The following MECR variants were observed in gnomAD, a reference collection of about 807,000 sequenced individuals.
MECR encodes mitochondrial trans-2-enoyl-CoA reductase.
A neutral mutation model predicts 49.1 loss-of-function variants in MECR; 37 were observed. The ratio of observed to expected loss-of-function variants is 0.75; its 90% CI spans 0.58 to 0.99. The LOEUF is 0.99. MECR is among the 50% of genes least tolerant of loss of function. The probability of loss-of-function intolerance (pLI) is 0.00; values close to 1 mark genes in which losing one functional copy is unlikely to be tolerated. For synonymous variants in MECR, 198 were observed against 191.1 expected (o/e 1.04, Z -0.30); for missense variants, 470 against 479.6 (o/e 0.98, Z 0.19).
At chr1:29,178,560 C>CAGG in the MECR span, among the ~76,000 whole-genome samples, 3 of 151,752 alleles carry the variant, frequency 2.0e-5, no homozygotes, top group Admixed American at 2.0e-4. Flanking sequence ...GTTTCACCAT[C>CAGG]TTAACCAGGA....
At chr1:29,224,479 G>T (rs2291609) in intron 1 of MECR, 27,443 of 152,208 alleles carry the variant, frequency 0.18, 3,188 homozygotes, top group Non-Finnish European at 0.27. Flanking sequence ...GTCACAGCCG[G>T]ACAATTGTTG....
At chr1:29,188,323 G>A (rs1025614416), downstream of MECR, among the ~76,000 whole-genome samples, 7 of 151,580 alleles carry the variant, frequency 4.6e-5, no homozygotes, top group Non-Finnish European at 8.8e-5. Flanking sequence ...CCAACGAGCT[G>A]GGATTACAGG....
At chr1:29,199,518 C>G (rs189203519) in intron 7 of MECR, among the ~76,000 whole-genome samples, 1 of 152,136 alleles carries the variant, frequency 6.6e-6, no homozygotes, top group Non-Finnish European at 1.5e-5. Flanking sequence ...TGAGCCACTG[C>G]GCCCGGCCTA....
chr1:29,191,918 C>A (rs1057140358), downstream of MECR, among the ~76,000 whole-genome samples: 2 of 151,906 alleles, frequency 1.3e-5, no homozygotes, highest in African/African-American at 4.8e-5. Flanking sequence ...ATAGTGAAAC[C>A]CCATCTCTAC....
In MECR at chr1:29,214,612, C is replaced by T. The variant is rs1003367929; in HGVS notation, c.406+1393G>A. On this transcript the variant is annotated intron_variant, in intron 3 of 9. Coordinates refer to ENST00000263702, the MANE Select transcript of MECR (RefSeq NM_016011.5). ...CCTGATCTCAGGTGATCCACCACCT[C>T]GGCCTCCCAAAGTGCTGGGATTACA... is the stretch of plus-strand genomic sequence containing the variant. 7.2e-4 allele frequency among the ~76,000 whole-genome samples: 109 copies of T among 151,140 alleles called. 1 individual carries two copies. The highest frequency in any genetic ancestry group is 2.6e-3 in the African/African-American group (105 of 41,118).
chr1:29,186,509 GTTTT>G, the MECR span, among the ~76,000 whole-genome samples: 1 of 152,238 alleles, frequency 6.6e-6, no homozygotes, highest in Admixed American at 6.5e-5. Flanking sequence ...CAGGGGCCAT[GTTTT>G]TTGTTTCCTG....
At chr1:29,213,483 A>T (rs1420620508) in intron 3 of MECR, among the ~76,000 whole-genome samples, 1 of 151,880 alleles carries the variant, frequency 6.6e-6, no homozygotes, top group Non-Finnish European at 1.5e-5. Flanking sequence ...ACAAGGCCCC[A>T]CCTGTATCAC....
intron 3 of MECR, among the ~76,000 whole-genome samples, chr1:29,207,380 A>G (rs907837942): frequency 6.6e-6 from 1 of 151,914 alleles, no homozygotes; most frequent in East Asian, 1.9e-4. Flanking sequence ...TCGGCTTCCC[A>G]AAGTGCTGGG....
the MECR span, among the ~76,000 whole-genome samples, chr1:29,178,472 T>G: frequency 6.6e-6 from 1 of 151,550 alleles, no homozygotes; most frequent in Non-Finnish European, 1.5e-5. Context: ...GCCTCTCGAG[T>G]AGCTGGGACT....
intron 3 of MECR, among the ~76,000 whole-genome samples, chr1:29,210,561 C>T (rs1677746962): frequency 6.6e-6 from 1 of 152,144 alleles, no homozygotes; most frequent in Non-Finnish European, 1.5e-5. Flanking sequence ...TCTAATTCCC[C>T]TTATGGCACG....
chr1:29,171,604 G>GT, the MECR span: 1 of 151,822 alleles, frequency 6.6e-6, no homozygotes, highest in Non-Finnish European at 1.5e-5. Context: ...ATTTTCGGAA[G>GT]TTTTAAGATT....
intron 3 of MECR, among the ~76,000 whole-genome samples, chr1:29,207,667 T>G (rs1676951505): frequency 6.6e-6 from 1 of 151,754 alleles, no homozygotes; most frequent in African/African-American, 2.4e-5. Context: ...TTGAGCCCAG[T>G]AATTTAAGGA....
the MECR span, chr1:29,172,893 G>A: frequency 1.3e-5 from 2 of 152,030 alleles, no homozygotes; most frequent in East Asian, 3.8e-4. Flanking sequence ...TAAGAGGAAT[G>A]GTTGGGTAAG....
intron 1 of MECR, among the ~76,000 whole-genome samples, chr1:29,217,896 G>A (rs775422692): frequency 6.6e-6 from 1 of 152,346 alleles, no homozygotes; most frequent in Middle Eastern, 3.4e-3. Flanking sequence ...CCCTTCTGGA[G>A]GAGGATTCTT....
At chr1:29,169,048 T>A in the MECR span, 1 of 152,252 alleles carries the variant, frequency 6.6e-6, no homozygotes, top group Non-Finnish European at 1.5e-5. Flanking sequence ...TGCAGCCCAC[T>A]AGGACTCTTC....
chr1:29,199,961 A>G (rs1042430598), intron 7 of MECR, among the ~76,000 whole-genome samples: 1 of 151,572 alleles, frequency 6.6e-6, no homozygotes, highest in Non-Finnish European at 1.5e-5. Flanking sequence ...GGGTCTCACT[A>G]TGTTACCCAG....
chr1:29,201,901 A>G lies in MECR; in HGVS notation c.756+42T>C. The G allele has an allele frequency of 6.9e-7, 1 of 1,459,246 alleles. No individual in the cohort carries two copies. The highest frequency in any genetic ancestry group is 9.6e-7 in the Non-Finnish European group (1 of 1,039,436). 90.4% of individuals were successfully genotyped at this position (1,459,246 alleles called of 1,614,324 possible). A position where few individuals can be genotyped will look rare whatever the true frequency, so the allele number is the denominator to read the frequency against. ...ATGCATGTCAACTTTCTTCAGGGAG[A>G]TGTGCGTGGACTGGAGGGGCAATGT... On this transcript the variant is annotated intron_variant, in intron 6 of 9. Coordinates refer to ENST00000263702, the MANE Select transcript of MECR (RefSeq NM_016011.5). This position sits in a 1 kb window ranked among gnomAD's most constrained non-coding sequence, Gnocchi z 4.3.
intron 9 of MECR, among the ~76,000 whole-genome samples, chr1:29,195,031 A>AC (rs1367220720): frequency 4.6e-5 from 7 of 152,030 alleles, no homozygotes; most frequent in Non-Finnish European, 7.4e-5. Flanking sequence ...TGGGAGGATC[A>AC]CCTGAACCGA....
chr1:29,210,438 C>A (rs1309272949), intron 3 of MECR, among the ~76,000 whole-genome samples: 1 of 152,194 alleles, frequency 6.6e-6, no homozygotes, highest in Non-Finnish European at 1.5e-5. Flanking sequence ...TGGGCTTCCC[C>A]CGGACTGGCC....
Sources: allele counts gnomAD v4.1 joint callset (sites outside exome capture counted in the v4.1 genomes callset), GRCh38; gene constraint gnomAD v4.1.1; non-coding constraint Gnocchi (gnomAD v3.1); transcripts MANE v1.5; gene names NCBI Gene and HGNC (gene_info 2026-07-23, HGNC 2026-07-21).